Variants in FAT1 observed in about 807,000 individuals in gnomAD.
FAT1 encodes FAT atypical cadherin 1, also known as protocadherin Fat 1.
In FAT1, 171 loss-of-function variants were observed where a neutral mutation model predicts 329.8. The ratio of observed to expected loss-of-function variants is 0.52; its 90% CI spans 0.46 to 0.59. The LOEUF is 0.59. Ranked by LOEUF, FAT1 falls within the 20% of genes least tolerant of loss-of-function variation. FAT1 has a pLI of 0.00. For synonymous variants in FAT1, 2,233 were observed against 2,228.6 expected (o/e 1.00, Z -0.06); for missense variants, 5,672 against 5,774.4 (o/e 0.98, Z 0.57).
chr4:186,656,203 C>T (rs1025110484), intron 3 of FAT1, among the ~76,000 whole-genome samples: 4 of 152,180 alleles, frequency 2.6e-5, no homozygotes, highest in Admixed American at 6.5e-5. Flanking sequence ...CTAGCACTGG[C>T]TCTGATATGA....
At position 186,635,994 on chromosome 4, in the gene FAT1, A is replaced by T. The variant is rs75263492; in HGVS notation, c.4183+31T>A. On this transcript the variant is annotated intron_variant, in intron 6 of 26. Coordinates refer to ENST00000441802, the MANE Select transcript of FAT1 (RefSeq NM_005245.4). Reference sequence around the variant, plus strand: ...GCAGGTTCTCCTCAGTGTAACCCATACGGACAACGAAAATGAGGGGGAATG... The same window carrying T: ...GCAGGTTCTCCTCAGTGTAACCCATTCGGACAACGAAAATGAGGGGGAATG... The T allele has an allele frequency of 0.042, 67,023 of 1,599,672 alleles. 3,093 individuals are homozygous for T. The highest frequency in any genetic ancestry group is 0.2 in the Admixed American group (11,916 of 59,806).
At chr4:186,697,034 ATAATTAAT>A (rs898921657) in intron 2 of FAT1, among the ~76,000 whole-genome samples, 1 of 152,116 alleles carries the variant, frequency 6.6e-6, no homozygotes, top group Admixed American at 6.6e-5. Flanking sequence ...GTCTTAGAAA[ATAATTAAT>A]TAATTAATTA....
At chr4:186,638,016 G>GCA (rs1352004077) in intron 4 of FAT1, among the ~76,000 whole-genome samples, 2 of 152,286 alleles carry the variant, frequency 1.3e-5, no homozygotes, top group East Asian at 3.9e-4. Flanking sequence ...ATACAAGCAA[G>GCA]CACTATGTTT....
chr4:186,617,040 G>C lies in FAT1; in HGVS notation c.9040C>G (p.Leu3014Val). 2 of 1,613,796 alleles carry C rather than the reference G, an allele frequency of 1.2e-6. No individual in the cohort carries two copies. Among genetic ancestry groups the C allele is most frequent in the Middle Eastern group, 1.6e-4 (1 of 6,062 alleles). The change falls in exon 11 of 27, where the codon CTG becomes GTG. Residue 3014 changes from leucine to valine, a missense_variant. By Grantham distance (32) the Leu-to-Val change is conservative (BLOSUM62 1). Around this residue, in one of 2 missense-constraint regions of FAT1, gnomAD observed 3,966 missense variants for 3,915.2 expected, o/e 1.01. Coordinates refer to ENST00000441802, the MANE Select transcript of FAT1 (RefSeq NM_005245.4). Reference sequence around the variant, plus strand: ...ACTGGACTGTTGTCATTTGCATCCAGAACTTTCACTTCAACTATCGCTTTT... The same window carrying C: ...ACTGGACTGTTGTCATTTGCATCCACAACTTTCACTTCAACTATCGCTTTT... ...SSKAIVEVKV[L>V]DANDNSPVCE...
In FAT1 at chr4:186,684,820, A is replaced by T. The variant is rs550981128; in HGVS notation, c.3266-21207T>A. ...GTCACCTCTGGATAGGGCGTAACAT[A>T]TTAAACAGAGGAGGCGTGGTTTTCA... On this transcript the variant is annotated intron_variant, in intron 2 of 26. Transcript: ENST00000441802. 3.3e-4 allele frequency among the ~76,000 whole-genome samples: 50 copies of T among 152,318 alleles called. No individual in the cohort carries two copies. The South Asian group carries it at 0.01, about 32-fold the overall frequency.
Position 186,589,131 on chromosome 4 carries a change from T to A in FAT1, c.13228A>T (p.Thr4410Ser), listed in dbSNP as rs751890140. 3.8e-5 allele frequency: 61 copies of A among 1,613,768 alleles called. No individual in the cohort carries two copies. The highest frequency in any genetic ancestry group is 5.1e-5 in the Non-Finnish European group (60 of 1,179,860). ...FPNYEVIDEQ[T>S]PLYSADPNAI... ...TTTGGATCTGCTGAGTACAGGGGTG[T>A]CTGCTCATCAATCACCTCATAGTTG... The change falls in exon 27 of 27, where the codon ACA becomes TCA. Residue 4410 changes from threonine to serine, a missense_variant. By Grantham distance (58) the Thr-to-Ser change is moderately conservative (BLOSUM62 1). This residue lies in a region of FAT1 where 1,706 missense variants were observed against 1,859.1 expected (regional missense o/e 0.92). Transcript: ENST00000441802.
Position 186,619,773 on chromosome 4 carries a change from G to A in FAT1, c.6813C>T (p.Ile2271=), listed in dbSNP as rs2126508981. 6.2e-7 allele frequency: 1 copy of A among 1,614,018 alleles called. No homozygotes were observed. The part of the protein sequence containing the change: ...TGAHAEVFVD[I]IVDDINDNPP... The stretch of plus-strand genomic sequence containing the variant: ...GGTTATCATTGATGTCGTCTACTAT[G>A]ATGTCCACAAATACTTCAGCATGAG... Residue 2271 remains isoleucine (I), a synonymous_variant, in exon 10 of 27, where the codon ATC becomes ATT. Transcript: ENST00000441802.
intron 3 of FAT1, among the ~76,000 whole-genome samples, chr4:186,654,927 CA>C (rs1358381366): frequency 6.9e-6 from 1 of 145,118 alleles, no homozygotes. Context: ...AAAAAAAAAA[CA>C]AAAAAAACTT....
intron 2 of FAT1, among the ~76,000 whole-genome samples, chr4:186,702,726 C>T (rs888334857): frequency 3.6e-4 from 55 of 152,178 alleles, no homozygotes; most frequent in African/African-American, 1.3e-3. Flanking sequence ...AAATTTATTC[C>T]ACACACCCAC....
intron 20 of FAT1, among the ~76,000 whole-genome samples, chr4:186,602,248 G>A (rs1738848917): frequency 6.6e-6 from 1 of 152,118 alleles, no homozygotes; most frequent in Non-Finnish European, 1.5e-5. Flanking sequence ...ATAACTGGGA[G>A]AAATAAAAAT....
chr4:186,597,135 AG>A lies in FAT1; in HGVS notation c.12404del (p.Pro4135LeufsTer71). 1 of 1,613,236 alleles carries A rather than the reference AG, an allele frequency of 6.2e-7. No homozygotes were observed. On this transcript the variant is annotated frameshift_variant, in exon 25 of 27. Coordinates refer to ENST00000441802, the MANE Select transcript of FAT1 (RefSeq NM_005245.4). LOFTEE classifies it high-confidence loss of function. ...TCTCACAGAGGGCCCCGTGCAGGCA[AG>A]GGTTTCCAGAGCACTCGTCGATATC... ...QSDIDECSGN[P>X]CLHGALCENT...
intron 2 of FAT1, among the ~76,000 whole-genome samples, chr4:186,666,711 G>A (rs1394763389): frequency 6.6e-6 from 1 of 152,184 alleles, no homozygotes; most frequent in Non-Finnish European, 1.5e-5. Flanking sequence ...GAAACAATTT[G>A]CTCAGTGTTT....
chr4:186,626,433 AGAATGAAT>A (rs748895802), intron 9 of FAT1, among the ~76,000 whole-genome samples: 47 of 38,342 alleles, frequency 1.2e-3, no homozygotes, highest in Non-Finnish European at 1.6e-3. Flanking sequence ...ATCAGCCTAC[AGAATGAAT>A]GAATGAATGA....
upstream of FAT1, among the ~76,000 whole-genome samples, chr4:186,725,334 T>C (rs1282773880): frequency 6.6e-6 from 1 of 151,858 alleles, no homozygotes; most frequent in African/African-American, 2.4e-5. This position sits in a 1 kb window ranked among gnomAD's most constrained non-coding sequence, Gnocchi z 5.4. Context: ...GCGGGAGTAA[T>C]GCTAAAAGGG....
intron 21 of FAT1, among the ~76,000 whole-genome samples, chr4:186,600,755 G>A: frequency 6.6e-6 from 1 of 152,314 alleles, no homozygotes. Context: ...TTGTCGCCCA[G>A]GCTGGAGTGC....
chr4:186,614,570 A>G (rs1739614938), intron 11 of FAT1, among the ~76,000 whole-genome samples: 1 of 152,210 alleles, frequency 6.6e-6, no homozygotes, highest in Non-Finnish European at 1.5e-5. Context: ...TCCCTGAAAG[A>G]GCCTGGCCTG....
At chr4:186,607,685 C>A (rs1388638757) in intron 16 of FAT1, among the ~76,000 whole-genome samples, 1 of 145,252 alleles carries the variant, frequency 6.9e-6, no homozygotes, top group African/African-American at 2.6e-5. Flanking sequence ...GTGGACAGGT[C>A]GGTGGGTGGA....
intron 3 of FAT1, among the ~76,000 whole-genome samples, chr4:186,645,964 T>TAC (rs1253098451): frequency 8.8e-4 from 20 of 22,714 alleles, no homozygotes; most frequent in South Asian, 2.7e-3. Flanking sequence ...AAAAAAAAAA[T>TAC]ATATACACAC....
intron 3 of FAT1, among the ~76,000 whole-genome samples, chr4:186,654,661 C>T (rs1315182695): frequency 1.3e-5 from 2 of 152,032 alleles, no homozygotes; most frequent in Non-Finnish European, 2.9e-5. Flanking sequence ...TATAAAAATC[C>T]CACTTTGGGA....
Sources: gnomAD v4.1 joint callset for allele counts (sites outside exome capture counted in the v4.1 genomes callset) on GRCh38, gnomAD v4.1.1 for gene constraint, gnomAD v4.1.1 regional missense constraint, Gnocchi (gnomAD v3.1) non-coding constraint, MANE v1.5 for transcripts, NCBI Gene and HGNC (gene_info 2026-07-23, HGNC 2026-07-21) for gene names.